Variants in RGN observed in about 807,000 individuals in gnomAD.
RGN encodes epididymis secretory protein Li 41.
In RGN, 19 loss-of-function variants were observed where a neutral mutation model predicts 20.6. The observed-to-expected ratio is 0.92, with a 90% CI of 0.64 to 1.35. The LOEUF is 1.35. Among genes scored for constraint, RGN ranks in the 40% most tolerant of loss-of-function variants. RGN has a pLI of 0.00. For missense variants in RGN, 302 were observed against 232.7 expected, an observed-to-expected ratio of 1.30 and a Z score of -1.94; for synonymous variants, 85 against 87.2, an observed-to-expected ratio of 0.97 and a Z score of 0.14.
chrX:47,084,342 C>T, intron 3 of RGN, 76 bp from the exon 4 acceptor site: 1 of 907,839 alleles, frequency 1.1e-6, no homozygotes, highest in Admixed American at 3.8e-5. Flanking sequence ...CTAAGAGATG[C>T]CAGGTAGCAC....
intron 4 of RGN, among the ~76,000 whole-genome samples, chrX:47,088,941 A>G (rs1930737282): frequency 1.5e-5 from 1 of 66,142 alleles, no homozygotes; most frequent in Non-Finnish European, 3.2e-5. Context: ...CAAAAAAAAA[A>G]AAAAAAGAAG....
At chrX:47,083,535 A>AT (rs1230514838) in intron 3 of RGN, among the ~76,000 whole-genome samples, 1 of 112,286 alleles carries the variant, frequency 8.9e-6, no homozygotes, top group African/African-American at 3.2e-5. Flanking sequence ...TCTGTTTATT[A>AT]TTTTTTACCA....
rs1336742223 is a variant in RGN, at chrX:47,079,417, T to C, written c.-636+708T>C. On this transcript the variant is annotated intron_variant, in intron 1 of 7. Coordinates refer to ENST00000397180, the MANE Select transcript of RGN (RefSeq NM_152869.4). ...TGGTTTCTGTTTTTGTTTTGTTTTG[T>C]TTTGTTTTTTTGTTTTTTTGGTTTT... Among the ~76,000 whole-genome samples the C allele has an allele frequency of 1.9e-4, 20 of 107,875 alleles. No homozygotes were observed. In the East Asian group the frequency reaches 5.8e-3, roughly 31 times the overall value. The allele number at this position is 107,875 out of a possible 115,157, so 93.7% of individuals were successfully genotyped here.
chrX:47,083,309 G>C (rs781978028), intron 3 of RGN, among the ~76,000 whole-genome samples: 1 of 108,739 alleles, frequency 9.2e-6, no homozygotes, highest in African/African-American at 3.4e-5. Flanking sequence ...TGAGGCAGGA[G>C]AATCCTTTGA....
At chrX:47,088,131 G>T (rs1412634204) in intron 4 of RGN, among the ~76,000 whole-genome samples, 1 of 106,112 alleles carries the variant, frequency 9.4e-6, no homozygotes, top group African/African-American at 3.4e-5. Flanking sequence ...CTCTTGGCAG[G>T]TGCTCGGAGG....
At chrX:47,086,933 G>C (rs782054825) in intron 4 of RGN, among the ~76,000 whole-genome samples, 1 of 110,807 alleles carries the variant, frequency 9.0e-6, no homozygotes, top group Admixed American at 9.8e-5. Flanking sequence ...ATGCTGAAAG[G>C]TGGGAATCAT....
At chrX:47,085,067 CA>C (rs371824783) in intron 4 of RGN, 6,002 of 108,313 alleles carry the variant, frequency 0.055, 416 homozygotes, top group African/African-American at 0.19. Context: ...AGTTGTAGGA[CA>C]AAAAAAAAAT....
intron 5 of RGN, among the ~76,000 whole-genome samples, chrX:47,090,817 C>T (rs1042885730): frequency 9.8e-6 from 1 of 102,205 alleles, no homozygotes; most frequent in Non-Finnish European, 2.0e-5. Context: ...GAGCCGAGAT[C>T]GCGCCACTGT....
At chrX:47,089,579 T>TAGA (rs1569540569) in intron 4 of RGN, among the ~76,000 whole-genome samples, 197 bp from the exon 5 acceptor site, 1 of 44,129 alleles carries the variant, frequency 2.3e-5, no homozygotes, top group Non-Finnish European at 4.2e-5. Flanking sequence ...TATATATACT[T>TAGA]TATATATATA....
rs1556381109 is a variant in RGN, at chrX:47,081,159, G to T, written c.15G>T (p.Lys5Asn). MSSI[K>N]IECVLPENCR... Reference sequence around the variant, plus strand: ...CCCCTGCGACCATGTCTTCCATTAAGATTGAGTGTGTTTTGCCAGAGAACT... The same window carrying T: ...CCCCTGCGACCATGTCTTCCATTAATATTGAGTGTGTTTTGCCAGAGAACT... Residue 5 changes from lysine to asparagine, a missense_variant, in exon 3 of 8, where the codon AAG (lysine) becomes AAT (asparagine). Lys to Asn is a moderately conservative substitution (Grantham distance 94). Coordinates refer to ENST00000397180, the MANE Select transcript of RGN (RefSeq NM_152869.4). 1 of 1,208,053 alleles carries T rather than the reference G, an allele frequency of 8.3e-7. No homozygotes were observed. Among genetic ancestry groups the T allele is most frequent in the South Asian group, 1.8e-5 (1 of 56,910 alleles).
chrX:47,082,122 G>A (rs376579271), intron 3 of RGN, among the ~76,000 whole-genome samples: 2 of 111,100 alleles, frequency 1.8e-5, no homozygotes, highest in Non-Finnish European at 3.8e-5. Context: ...AGTGTGATGC[G>A]TTTATGGCCC....
intron 4 of RGN, among the ~76,000 whole-genome samples, chrX:47,087,831 T>C (rs1392378665): frequency 2.9e-5 from 3 of 102,913 alleles, no homozygotes; most frequent in African/African-American, 1.0e-4. Flanking sequence ...TTACTTTATG[T>C]ATTATCATAT....
intron 5 of RGN, among the ~76,000 whole-genome samples, chrX:47,090,491 A>T (rs1011373155): frequency 3.6e-5 from 4 of 110,788 alleles, no homozygotes; most frequent in African/African-American, 6.5e-5. Context: ...AAAAGCAAAA[A>T]AAAAAAGTAA....
chrX:47,089,359 T>A (rs868982140), intron 4 of RGN, among the ~76,000 whole-genome samples: 346 of 38,185 alleles, frequency 9.1e-3, no homozygotes, highest in Non-Finnish European at 0.014. Context: ...TATATAAGTA[T>A]ATATAATATA....
chrX:47,089,598 TACACACACACACACACACAC>T (rs200155890), intron 4 of RGN, among the ~76,000 whole-genome samples, 158 bp from the exon 5 acceptor site: 4 of 70,020 alleles, frequency 5.7e-5, no homozygotes, highest in African/African-American at 1.2e-4. Context: ...TATATATATA[TACACACACACACACACACAC>T]ACACACACAC....
Position 47,084,440 on chromosome X carries a change from TC to T in RGN, c.187del (p.Leu63PhefsTer18). 3 of 1,204,212 alleles carry T rather than the reference TC, an allele frequency of 2.5e-6. No homozygotes were observed. Among genetic ancestry groups the T allele is most frequent in the Non-Finnish European group, 3.4e-6 (3 of 891,614 alleles). ...TMDAPVSSVALRQSGGYVATI... is the reference protein window; with the variant it reads ...TMDAPVSSVAXRQSGGYVATI... ...CAGATGCCCCAGTCAGCTCCGTGGC[TC>T]TTCGCCAGTCGGGAGGCTATGTTGC... On this transcript the variant is annotated frameshift_variant, in exon 4 of 8. Coordinates refer to ENST00000397180, the MANE Select transcript of RGN (RefSeq NM_152869.4). LOFTEE classifies it high-confidence loss of function.
At position 47,093,217 on chromosome X, in the gene RGN, C is replaced by T; in HGVS notation, c.*270C>T. ...CAGCCTCTTGATTCTTTGTAAATTGCCAGGGTGGGTGGGTACATATCTCTT... is the reference window on the plus strand; with the variant it reads ...CAGCCTCTTGATTCTTTGTAAATTGTCAGGGTGGGTGGGTACATATCTCTT... On this transcript the variant is annotated 3_prime_UTR_variant, in exon 8 of 8. Coordinates refer to ENST00000397180, the MANE Select transcript of RGN (RefSeq NM_152869.4). The T allele has an allele frequency of 5.9e-6, 2 of 339,487 alleles. No individual in the cohort carries two copies. Among genetic ancestry groups the T allele is most frequent in the Admixed American group, 1.1e-4 (2 of 18,665 alleles). The allele number at this position is 339,487 out of a possible 1,213,427, so 28.0% of individuals were successfully genotyped here.
Position 47,092,202 on chromosome X carries a change from G to T in RGN, c.836G>T (p.Gly279Val). 1 of 1,179,285 alleles carries T rather than the reference G, an allele frequency of 8.5e-7. No individual in the cohort carries two copies. The highest frequency in any genetic ancestry group is 1.1e-6 in the Non-Finnish European group (1 of 879,054). Residue 279 changes from glycine (G) to valine (V), a missense_variant, in exon 7 of 8, where the codon GGT becomes GTT. Physicochemically the swap from Gly to Val is moderately radical, Grantham distance 109. Coordinates refer to ENST00000397180, the MANE Select transcript of RGN (RefSeq NM_152869.4). ...GGTCTTTTGAGGCAACCTGAAGCTGGTGGAATTTTCAAGGTGATATGGCTA... is the reference window on the plus strand; with the variant it reads ...GGTCTTTTGAGGCAACCTGAAGCTGTTGGAATTTTCAAGGTGATATGGCTA... The part of the protein sequence containing the change: ...PEGLLRQPEA[G>V]GIFKITGLGV...
At chrX:47,089,577 C>A (rs1930818928) in intron 4 of RGN, among the ~76,000 whole-genome samples, 199 bp from the exon 5 acceptor site, 3 of 52,752 alleles carry the variant, frequency 5.7e-5, no homozygotes, top group Non-Finnish European at 1.0e-4. Flanking sequence ...ATTATATATA[C>A]TTTATATATA....
Sources: allele counts gnomAD v4.1 joint callset (sites outside exome capture counted in the v4.1 genomes callset), GRCh38; gene constraint gnomAD v4.1.1; transcripts MANE v1.5; gene names NCBI Gene and HGNC (gene_info 2026-07-23, HGNC 2026-07-21).